The following MYH10 variants were observed in gnomAD, a reference collection of about 807,000 sequenced individuals.
The protein encoded by MYH10 is myosin-10.
Under a neutral mutation model 257.8 loss-of-function variants are expected in MYH10, and 55 were observed. That is an observed-to-expected ratio of 0.21 (90% confidence interval 0.17 to 0.27). The LOEUF is 0.27. Among genes scored for constraint, MYH10 ranks in the 10% least tolerant of loss-of-function variants. The pLI, the probability that MYH10 is intolerant of heterozygous loss-of-function variation, is 1.00. For synonymous variants in MYH10, 854 were observed against 921.7 expected, an observed-to-expected ratio of 0.93 and a Z score of 1.33; for missense variants, 1,631 against 2,500.6, an observed-to-expected ratio of 0.65 and a Z score of 7.42.
At chr17:8,555,132 AAAATT>A (rs1309877842) in intron 7 of MYH10, among the ~76,000 whole-genome samples, 1 of 152,154 alleles carries the variant, frequency 6.6e-6, no homozygotes, top group Admixed American at 6.6e-5. Context: ...ACAAGAAAAA[AAAATT>A]AAACATGTTA....
At chr17:8,605,042 C>G in intron 2 of MYH10, 60 bp from the exon 3 acceptor site, 2 of 901,170 alleles carry the variant, frequency 2.2e-6, no homozygotes, top group Non-Finnish European at 3.1e-6. Flanking sequence ...CAATCAGGGT[C>G]CAATCAGGAG....
chr17:8,595,817 G>C (rs975240380), intron 3 of MYH10, among the ~76,000 whole-genome samples: 1 of 152,046 alleles, frequency 6.6e-6, no homozygotes, highest in Non-Finnish European at 1.5e-5. Context: ...AGTTCCTACT[G>C]TCTATATCTC....
In MYH10 at chr17:8,499,530, C is replaced by G. The variant is rs541022162; in HGVS notation, c.3745-54G>C. The G allele has an allele frequency of 6.5e-6, 10 of 1,550,140 alleles. No individual in the cohort carries two copies. In the East Asian group the frequency reaches 1.1e-4, roughly 17 times the overall value. On this transcript the variant is annotated intron_variant, in intron 29 of 42. Transcript: ENST00000360416. ...ACTAGTTATTTTCTAAAACTCCATA[C>G]AGAGGACTGCTTTTTGAGTCTGCAG...
chr17:8,608,868 T>C (rs1029524139), intron 2 of MYH10, among the ~76,000 whole-genome samples: 1 of 151,484 alleles, frequency 6.6e-6, no homozygotes, highest in Non-Finnish European at 1.5e-5. Context: ...TGGAGTGCAG[T>C]GGCACGATCT....
At chr17:8,502,546 C>T (rs1001033875) in intron 28 of MYH10, among the ~76,000 whole-genome samples, 5 of 151,450 alleles carry the variant, frequency 3.3e-5, no homozygotes, top group Non-Finnish European at 7.4e-5. Context: ...AGGAAACCTT[C>T]ATCTTCTCTT....
At chr17:8,484,866 C>G (rs759320717) in intron 36 of MYH10, among the ~76,000 whole-genome samples, 22 of 152,160 alleles carry the variant, frequency 1.4e-4, no homozygotes, top group South Asian at 4.1e-4. Flanking sequence ...GATCAATGAC[C>G]AAATGCTTTC....
intron 7 of MYH10, among the ~76,000 whole-genome samples, chr17:8,564,838 C>T (rs1447800181): frequency 6.6e-6 from 1 of 152,030 alleles, no homozygotes; most frequent in African/African-American, 2.4e-5. Context: ...GTGATAGGTG[C>T]CATGAGGGAA....
intron 1 of MYH10, among the ~76,000 whole-genome samples, chr17:8,627,485 G>A (rs903079188): frequency 6.6e-6 from 1 of 152,098 alleles, no homozygotes; most frequent in Non-Finnish European, 1.5e-5. Flanking sequence ...ATTTTGTACT[G>A]TTCTCCTGAC....
chr17:8,559,354 A>G (rs958411158), intron 7 of MYH10, among the ~76,000 whole-genome samples: 2 of 152,334 alleles, frequency 1.3e-5, no homozygotes, highest in East Asian at 3.9e-4. Context: ...ACCTACAAAG[A>G]TGGTTTCTCT....
intron 29 of MYH10, among the ~76,000 whole-genome samples, chr17:8,500,132 T>A (rs946691182): frequency 2.6e-5 from 4 of 152,056 alleles, no homozygotes; most frequent in Non-Finnish European, 5.9e-5. Flanking sequence ...CAAACATAAA[T>A]GTTCCGTAAA....
chr17:8,588,641 A>C (rs4486969), intron 4 of MYH10, among the ~76,000 whole-genome samples: 104,717 of 151,946 alleles, frequency 0.69, 36,126 homozygotes, highest in East Asian at 0.77. Flanking sequence ...CTCTTCCTCC[A>C]CTCCATTTTC....
chr17:8,516,753 G>A (rs1441032776), intron 21 of MYH10, among the ~76,000 whole-genome samples: 2 of 152,162 alleles, frequency 1.3e-5, no homozygotes, highest in Non-Finnish European at 2.9e-5. Context: ...CTTATGCTAT[G>A]TTAGGCATTC....
intron 7 of MYH10, 182 bp from the exon 8 acceptor site, chr17:8,554,200 C>T: frequency 2.4e-6 from 1 of 411,592 alleles, no homozygotes; most frequent in Non-Finnish European, 4.4e-6. Context: ...AAAGTAGCAA[C>T]AGAATAGGCT....
intron 13 of MYH10, among the ~76,000 whole-genome samples, chr17:8,543,137 AC>A (rs1379162750): frequency 6.6e-6 from 1 of 152,212 alleles, no homozygotes; most frequent in Non-Finnish European, 1.5e-5. Flanking sequence ...TACTGTTCAC[AC>A]AGCTGCATGT....
At chr17:8,614,092 A>C (rs2152093036) in intron 2 of MYH10, among the ~76,000 whole-genome samples, 1 of 152,302 alleles carries the variant, frequency 6.6e-6, no homozygotes, top group African/African-American at 2.4e-5. Flanking sequence ...GGATTTTCAC[A>C]GTAACTGAAA....
rs747595103 is a variant in MYH10, at chr17:8,587,187, A to G, written c.530+1894T>C. ...CCAGCCATCCCACAGTTGTCCGTAG[A>G]CGCAGCAGTGAGCCTCCAATAAGAA... On this transcript the variant is annotated intron_variant, in intron 4 of 42. Transcript: ENST00000360416. Among the ~76,000 whole-genome samples, 36 of 152,198 alleles carry G rather than the reference A, an allele frequency of 2.4e-4. 1 individual carries two copies. The highest frequency in any genetic ancestry group is 9.2e-4 in the Admixed American group (14 of 15,282).
intron 40 of MYH10, 110 bp from the exon 41 acceptor site, chr17:8,478,556 T>TTATG: frequency 1.1e-6 from 1 of 921,360 alleles, no homozygotes. Context: ...GGTGGAGGCA[T>TTATG]TATGGACCTC....
At chr17:8,568,153 C>A (rs1449416379) in intron 7 of MYH10, among the ~76,000 whole-genome samples, 1 of 152,160 alleles carries the variant, frequency 6.6e-6, no homozygotes, top group Non-Finnish European at 1.5e-5. Flanking sequence ...CCCACCAACT[C>A]TCGTCTCTCG....
chr17:8,497,910 T>C (rs1000114486), intron 30 of MYH10, among the ~76,000 whole-genome samples: 5 of 151,496 alleles, frequency 3.3e-5, no homozygotes, highest in Non-Finnish European at 2.9e-5. Context: ...TACATCGTCT[T>C]AGGTATTATA....
Sources: allele counts gnomAD v4.1 joint callset (sites outside exome capture counted in the v4.1 genomes callset), GRCh38; gene constraint gnomAD v4.1.1; transcripts MANE v1.5; gene names NCBI Gene and HGNC (gene_info 2026-07-23, HGNC 2026-07-21).